Variants in ARHGEF3 observed in about 807,000 individuals in gnomAD.
ARHGEF3 encodes the protein 59.8 kDA protein.
In ARHGEF3, 28 loss-of-function variants were observed where a neutral mutation model predicts 63.2. That is an observed-to-expected ratio of 0.44 (90% CI 0.33 to 0.61). The LOEUF (loss-of-function observed/expected upper bound fraction) is 0.61. ARHGEF3 is among the 20% of genes least tolerant of loss of function. The pLI is 0.03. For synonymous variants in ARHGEF3, 266 were observed against 254.2 expected, an observed-to-expected ratio of 1.05 and a Z score of -0.44; for missense variants, 533 against 659.3, an observed-to-expected ratio of 0.81 and a Z score of 2.10.
At chr3:57,062,474 G>A (rs1402458198) in intron 1 of ARHGEF3, among the ~76,000 whole-genome samples, 1 of 152,180 alleles carries the variant, frequency 6.6e-6, no homozygotes, top group East Asian at 1.9e-4. Context: ...GGGTGCTCAG[G>A]AGCATGGGGA....
intron 2 of ARHGEF3, among the ~76,000 whole-genome samples, chr3:56,992,375 T>TAAAAAAAAAAAAAAAA (rs57740672): frequency 1.1e-4 from 5 of 46,146 alleles, no homozygotes; most frequent in South Asian, 7.1e-4. Flanking sequence ...AGGATGGCTT[T>TAAAAAAAAAAAAAAAA]AAAAAAAAAA....
chr3:56,996,903 T>A (rs1017813265), intron 2 of ARHGEF3, among the ~76,000 whole-genome samples: 6 of 149,846 alleles, frequency 4.0e-5, no homozygotes, highest in Admixed American at 6.6e-5. Flanking sequence ...TTTTTTTTTT[T>A]TTGCAATTTG....
chr3:56,929,268 G>C lies in ARHGEF3; in HGVS notation c.129+29555C>G, dbSNP rs577139644. Among the ~76,000 whole-genome samples, 7 of 152,306 alleles carry C rather than the reference G, an allele frequency of 4.6e-5. No individual in the cohort carries two copies. In the South Asian group the frequency reaches 1.4e-3, roughly 32 times the overall value. On this transcript the variant is annotated intron_variant, in intron 3 of 12. Coordinates refer to the ARHGEF3 transcript ENST00000338458. ...TAATTATTTCAGTCCCAAGTGGCTA[G>C]AGTCATGGCTCCTGGTTAACTGAAA...
intron 4 of ARHGEF3, among the ~76,000 whole-genome samples, chr3:56,868,655 G>A (rs11919127): frequency 0.047 from 7,207 of 152,204 alleles, 249 homozygotes; most frequent in Non-Finnish European, 0.073. Context: ...GAGCCACTGC[G>A]CCCAGCCAGT....
intron 6 of ARHGEF3, among the ~76,000 whole-genome samples, chr3:56,749,911 C>T (rs750230319): frequency 2.0e-5 from 3 of 152,186 alleles, no homozygotes; most frequent in Admixed American, 1.3e-4. Flanking sequence ...TTAAAACTTT[C>T]TGCACATCTA....
intron 2 of ARHGEF3, among the ~76,000 whole-genome samples, chr3:56,969,368 G>A (rs1700805190): frequency 1.8e-5 from 2 of 113,806 alleles, no homozygotes; most frequent in Non-Finnish European, 3.8e-5. Context: ...ATATAAAGAA[G>A]TGTTCTTTTT....
At chr3:56,943,520 C>G (rs1699294537) in intron 3 of ARHGEF3, among the ~76,000 whole-genome samples, 1 of 152,166 alleles carries the variant, frequency 6.6e-6, no homozygotes, top group South Asian at 2.1e-4. Flanking sequence ...TAGAGCTCTA[C>G]AAGGAGATTA....
At chr3:56,834,746 CA>C (rs763133636) in intron 4 of ARHGEF3, among the ~76,000 whole-genome samples, 14,623 of 69,772 alleles carry the variant, frequency 0.21, 558 homozygotes, top group South Asian at 0.24. Context: ...CTCTGACTTA[CA>C]AAAAAAAAAA....
chr3:56,903,518 T>C (rs1342671581), intron 3 of ARHGEF3, among the ~76,000 whole-genome samples: 1 of 152,218 alleles, frequency 6.6e-6, no homozygotes, highest in Non-Finnish European at 1.5e-5. Context: ...ATATAGGACA[T>C]GCACCAACAT....
chr3:56,923,972 G>A (rs542467605), intron 3 of ARHGEF3, among the ~76,000 whole-genome samples: 1 of 152,336 alleles, frequency 6.6e-6, no homozygotes, highest in Non-Finnish European at 1.5e-5. Flanking sequence ...CCTGGAGGCT[G>A]TCCCTTTAAG....
rs115937895 is a variant in ARHGEF3 at position 56,841,382 on chromosome 3, A to G, written c.192+40910T>C. Reference sequence around the variant, plus strand: ...CAGCTATAGCATGCTCCTGGTTGTTAGTCTTACATGAGATCTTCCATGTCC... The same window carrying G: ...CAGCTATAGCATGCTCCTGGTTGTTGGTCTTACATGAGATCTTCCATGTCC... On this transcript the variant is annotated intron_variant, in intron 4 of 12. Coordinates refer to the ARHGEF3 transcript ENST00000338458. Among the ~76,000 whole-genome samples, 1,422 of 152,238 alleles carry G rather than the reference A, an allele frequency of 9.3e-3. 26 individuals are homozygous for G. Among genetic ancestry groups the G allele is most frequent in the African/African-American group, 0.032 (1,335 of 41,566 alleles).
intron 2 of ARHGEF3, among the ~76,000 whole-genome samples, chr3:56,968,286 T>A (rs1237263815): frequency 3.1e-4 from 8 of 26,046 alleles, no homozygotes; most frequent in Non-Finnish European, 2.9e-4. Flanking sequence ...AAAATATATA[T>A]AATATATATA....
chr3:56,856,709 T>TG (rs1168227904), intron 4 of ARHGEF3, among the ~76,000 whole-genome samples: 6 of 43,848 alleles, frequency 1.4e-4, no homozygotes, highest in Admixed American at 6.0e-4. Context: ...AGGTTTTTTG[T>TG]TTTTTTTTTT....
intron 1 of ARHGEF3, among the ~76,000 whole-genome samples, chr3:57,036,954 A>C (rs1005151240): frequency 6.6e-6 from 1 of 152,228 alleles, no homozygotes; most frequent in Non-Finnish European, 1.5e-5. Flanking sequence ...CAGGACCTAC[A>C]GGATACCTGG....
At chr3:56,847,998 C>T (rs1257303810) in intron 4 of ARHGEF3, among the ~76,000 whole-genome samples, 1 of 152,146 alleles carries the variant, frequency 6.6e-6, no homozygotes, top group Admixed American at 6.5e-5. Flanking sequence ...GAAGCCAACA[C>T]ACAGAGATGG....
intron 2 of ARHGEF3, among the ~76,000 whole-genome samples, chr3:56,767,207 T>C (rs1403370373): frequency 2.0e-5 from 3 of 152,176 alleles, no homozygotes; most frequent in Admixed American, 1.3e-4. Flanking sequence ...AATACTCTTC[T>C]ATTGTAGAGT....
rs141765289 is a variant in ARHGEF3 at position 57,032,896 on chromosome 3, G to C, written c.62+2192C>G. Among the ~76,000 whole-genome samples, 1,005 of 152,184 alleles carry C rather than the reference G, an allele frequency of 6.6e-3. 5 individuals carry two copies. The highest frequency in any genetic ancestry group is 0.023 in the African/African-American group (951 of 41,512). ...AGCAACCACTCCTGGGAAGGGCCAG[G>C]CTCCCCAGATGCCCTGGGGCCCTGG... On this transcript the variant is annotated intron_variant, in intron 2 of 12. Coordinates refer to the ARHGEF3 transcript ENST00000338458.
intron 2 of ARHGEF3, among the ~76,000 whole-genome samples, chr3:56,995,160 A>G (rs1465558705): frequency 6.6e-6 from 1 of 152,060 alleles, no homozygotes; most frequent in African/African-American, 2.4e-5. Flanking sequence ...GGACTAATAC[A>G]ATGGCTGGGG....
intron 3 of ARHGEF3, among the ~76,000 whole-genome samples, chr3:56,908,652 G>A (rs1206126623): frequency 1.3e-5 from 2 of 152,084 alleles, no homozygotes; most frequent in East Asian, 3.9e-4. Context: ...AGGTACTGAG[G>A]GAATGAGATC....
Sources: allele counts gnomAD v4.1 joint callset (sites outside exome capture counted in the v4.1 genomes callset), GRCh38; gene constraint gnomAD v4.1.1; transcripts MANE v1.5; gene names NCBI Gene and HGNC (gene_info 2026-07-23, HGNC 2026-07-21).